Variants in GRID2 observed in about 807,000 individuals in gnomAD.
GRID2 encodes glutamate receptor ionotropic, delta-2.
A neutral mutation model predicts 114.8 loss-of-function variants in GRID2; 33 were observed. That is an observed-to-expected ratio of 0.29 (90% confidence interval 0.22 to 0.38). The LOEUF (loss-of-function observed/expected upper bound fraction) is 0.38, where lower values mean the gene tolerates loss of function less well. Among genes scored for constraint, GRID2 ranks in the 10% least tolerant of loss-of-function variants. The pLI is 1.00. For synonymous variants in GRID2, 505 were observed against 449.9 expected, an observed-to-expected ratio of 1.12 and a Z score of -1.55; for missense variants, 1,184 against 1,257.7, an observed-to-expected ratio of 0.94 and a Z score of 0.89.
chr4:93,314,576 T>C, intron 8 of GRID2, among the ~76,000 whole-genome samples: 1 of 152,148 alleles, frequency 6.6e-6, no homozygotes, highest in East Asian at 1.9e-4. Context: ...AGCTCTTTCG[T>C]TGTTTCCTTG....
intron 2 of GRID2, among the ~76,000 whole-genome samples, chr4:92,631,828 A>G (rs148537751): frequency 6.6e-6 from 1 of 152,302 alleles, no homozygotes; most frequent in East Asian, 1.9e-4. Flanking sequence ...TATTTCATTT[A>G]GTCGCAAGAG....
chr4:93,205,495 T>C (rs2149466890), intron 4 of GRID2, among the ~76,000 whole-genome samples: 1 of 152,312 alleles, frequency 6.6e-6, no homozygotes, highest in South Asian at 2.1e-4. Context: ...ACTCTTCATT[T>C]TTTATAGCTG....
At chr4:92,978,008 G>T (rs1471930243) in intron 2 of GRID2, among the ~76,000 whole-genome samples, 3 of 152,160 alleles carry the variant, frequency 2.0e-5, no homozygotes, top group Non-Finnish European at 4.4e-5. Flanking sequence ...ACATTTGGTA[G>T]TATTGCTAGA....
At chr4:93,038,707 C>T (rs892859830) in intron 2 of GRID2, among the ~76,000 whole-genome samples, 2 of 151,958 alleles carry the variant, frequency 1.3e-5, no homozygotes, top group South Asian at 2.1e-4. Flanking sequence ...AGGAGAATGG[C>T]GTGAACCCAG....
intron 2 of GRID2, among the ~76,000 whole-genome samples, chr4:92,607,549 C>T (rs917617755): frequency 6.6e-6 from 1 of 151,814 alleles, no homozygotes; most frequent in African/African-American, 2.4e-5. Context: ...TTTCTGTCAC[C>T]TATTACCTAG....
intron 10 of GRID2, among the ~76,000 whole-genome samples, chr4:93,453,698 A>T (rs140383842): frequency 1.3e-5 from 2 of 152,204 alleles, no homozygotes; most frequent in East Asian, 3.9e-4. Context: ...TATTAGAAAA[A>T]TATTTGTGAA....
chr4:92,723,394 T>C, intron 2 of GRID2, among the ~76,000 whole-genome samples: 1 of 152,178 alleles, frequency 6.6e-6, no homozygotes, highest in East Asian at 1.9e-4. Context: ...CTGTGTTTGA[T>C]GACAGTATAT....
intron 2 of GRID2, among the ~76,000 whole-genome samples, chr4:92,920,488 G>T (rs1357346997): frequency 1.3e-5 from 2 of 152,178 alleles, no homozygotes; most frequent in Non-Finnish European, 2.9e-5. Context: ...GCTGGTACCA[G>T]TTGTCCCTTT....
chr4:92,931,558 G>T (rs571419170), intron 2 of GRID2, among the ~76,000 whole-genome samples: 1 of 150,370 alleles, frequency 6.7e-6, no homozygotes, highest in East Asian at 1.9e-4. Flanking sequence ...TGCAGATTAC[G>T]TAAGTGTGTT....
At chr4:93,665,420 G>C (rs963697905) in intron 14 of GRID2, among the ~76,000 whole-genome samples, 8 of 152,020 alleles carry the variant, frequency 5.3e-5, no homozygotes, top group Non-Finnish European at 1.2e-4. Flanking sequence ...GTTTTATGTG[G>C]GGTAGTGTTT....
At chr4:92,879,460 G>A (rs112107746) in intron 2 of GRID2, among the ~76,000 whole-genome samples, 302 of 152,336 alleles carry the variant, frequency 2.0e-3, no homozygotes, top group Non-Finnish European at 3.1e-3. Flanking sequence ...TCTTCTCAAT[G>A]TATAGCCAGG....
chr4:92,315,925 G>A (rs753994370), intron 1 of GRID2, among the ~76,000 whole-genome samples: 36 of 136,688 alleles, frequency 2.6e-4, no homozygotes, highest in Non-Finnish European at 4.5e-4. Flanking sequence ...AGCTGAGATC[G>A]CACCATTGCA....
At chr4:92,829,070 T>C (rs982592829) in intron 2 of GRID2, among the ~76,000 whole-genome samples, 2 of 152,218 alleles carry the variant, frequency 1.3e-5, no homozygotes, top group East Asian at 3.8e-4. Context: ...TTTGGTGTTT[T>C]AGTCATGAAG....
At position 93,017,466 on chromosome 4, in the gene GRID2, G is replaced by T. The variant is rs201212991; in HGVS notation, c.245-67529G>T. ...AAAAATTTTGTAGAAAAGAGTATTAGTGATAAAATACTTAATAATCTTTTT... is the reference window on the plus strand; with the variant it reads ...AAAAATTTTGTAGAAAAGAGTATTATTGATAAAATACTTAATAATCTTTTT... On this transcript the variant is annotated intron_variant, in intron 2 of 15. Transcript: ENST00000282020. Among the ~76,000 whole-genome samples the T allele has an allele frequency of 2.0e-5, 3 of 152,146 alleles. No individual in the cohort carries two copies. The East Asian group carries it at 5.8e-4, about 29-fold the overall frequency.
rs1325309073 is a variant in GRID2 at position 92,577,865 on chromosome 4, CT to C, written c.89-12265del. On this transcript the variant is annotated intron_variant, in intron 1 of 15. Transcript: ENST00000282020. Reference sequence around the variant, plus strand: ...AAAACAATATAAAGAAAATGAGGAGCTGATGAATGGTTAGAGATATACATTT... The same window carrying C: ...AAAACAATATAAAGAAAATGAGGAGCGATGAATGGTTAGAGATATACATTT... Among the ~76,000 whole-genome samples the C allele has an allele frequency of 1.1e-4, 16 of 151,958 alleles. 1 individual carries two copies. The highest frequency in any genetic ancestry group is 7.2e-4 in the Admixed American group (11 of 15,242).
chr4:93,465,682 C>T (rs1724200468), intron 11 of GRID2, among the ~76,000 whole-genome samples: 1 of 152,112 alleles, frequency 6.6e-6, no homozygotes, highest in Non-Finnish European at 1.5e-5. Context: ...TAGAATCAGC[C>T]ATATTGTTTA....
intron 14 of GRID2, among the ~76,000 whole-genome samples, chr4:93,749,915 G>A (rs1482610883): frequency 6.6e-6 from 1 of 152,096 alleles, no homozygotes; most frequent in Non-Finnish European, 1.5e-5. Context: ...TACCTCACAG[G>A]GTGATTTCGA....
chr4:92,466,928 G>A (rs935201518), intron 1 of GRID2, among the ~76,000 whole-genome samples: 6 of 151,640 alleles, frequency 4.0e-5, no homozygotes, highest in Non-Finnish European at 8.9e-5. Flanking sequence ...TGGGAAAGTA[G>A]TTTTTGCCTT....
At chr4:93,663,392 G>A (rs1457133064) in intron 14 of GRID2, among the ~76,000 whole-genome samples, 4 of 152,104 alleles carry the variant, frequency 2.6e-5, no homozygotes, top group Non-Finnish European at 5.9e-5. Flanking sequence ...GGCTGCCCAG[G>A]CTCAACTATA....
Sources: allele counts gnomAD v4.1 joint callset (sites outside exome capture counted in the v4.1 genomes callset), GRCh38; gene constraint gnomAD v4.1.1; transcripts MANE v1.5; gene names NCBI Gene and HGNC (gene_info 2026-07-23, HGNC 2026-07-21).